Variants in UGGT2 observed in about 807,000 individuals in gnomAD.
UGGT2 encodes UDP-glucose:glycoprotein glucosyltransferase 2.
Under a neutral mutation model 192.1 loss-of-function variants are expected in UGGT2, and 180 were observed. The observed-to-expected ratio is 0.94, with a 90% CI of 0.83 to 1.06. The LOEUF (loss-of-function observed/expected upper bound fraction) is 1.06. Among genes scored for constraint, UGGT2 ranks in the 50% least tolerant of loss-of-function variants. The probability of loss-of-function intolerance (pLI) is 0.00; values close to 1 mark genes in which losing one functional copy is unlikely to be tolerated. For missense variants in UGGT2, 1,849 were observed against 1,795.7 expected (o/e 1.03, Z -0.54); for synonymous variants, 580 against 591.0 (o/e 0.98, Z 0.27).
intron 37 of UGGT2, 87 bp from the exon 38 acceptor site, chr13:95,833,140 C>A: frequency 1.4e-6 from 2 of 1,450,370 alleles, no homozygotes; most frequent in Non-Finnish European, 9.3e-7. Flanking sequence ...AAACAAAATA[C>A]ATTTTATAAA....
At chr13:95,924,006 A>G (rs1011966465) in intron 20 of UGGT2, among the ~76,000 whole-genome samples, 1 of 152,222 alleles carries the variant, frequency 6.6e-6, no homozygotes, top group Non-Finnish European at 1.5e-5. Flanking sequence ...ATTTGATTAG[A>G]CAATGATTAT....
chr13:95,996,304 C>T (rs1461777932), intron 6 of UGGT2, among the ~76,000 whole-genome samples, 169 bp from the exon 7 acceptor site: 1 of 152,038 alleles, frequency 6.6e-6, no homozygotes, highest in Non-Finnish European at 1.5e-5. Context: ...GAGTTCAAGA[C>T]CAGCCTGACC....
intron 1 of UGGT2, among the ~76,000 whole-genome samples, chr13:96,052,314 G>A (rs2053508673): frequency 1.3e-5 from 2 of 152,116 alleles, no homozygotes; most frequent in African/African-American, 4.8e-5. Context: ...CGGGGACTCG[G>A]GGGAAAGGTT....
chr13:95,892,206 G>GCTAATT (rs2047821197), intron 24 of UGGT2, among the ~76,000 whole-genome samples: 1 of 151,984 alleles, frequency 6.6e-6, no homozygotes, highest in African/African-American at 2.4e-5. Context: ...CTCCCAGACT[G>GCTAATT]CTAATTCTAT....
At chr13:96,015,574 T>G (rs2052309803) in intron 4 of UGGT2, among the ~76,000 whole-genome samples, 1 of 152,136 alleles carries the variant, frequency 6.6e-6, no homozygotes, top group South Asian at 2.1e-4. Flanking sequence ...AAAATGATCT[T>G]TGAAAATTAA....
chr13:95,947,280 T>A, intron 14 of UGGT2, 108 bp from the exon 15 acceptor site: 1 of 1,160,882 alleles, frequency 8.6e-7, no homozygotes, highest in Non-Finnish European at 1.2e-6. Flanking sequence ...GAGAATGTAT[T>A]AATAGACAGA....
At chr13:95,817,309 G>T (rs763462574) in intron 38 of UGGT2, among the ~76,000 whole-genome samples, 1 of 152,136 alleles carries the variant, frequency 6.6e-6, no homozygotes, top group Non-Finnish European at 1.5e-5. Flanking sequence ...GAAAGATCAC[G>T]TGCAGTGCCT....
intron 5 of UGGT2, among the ~76,000 whole-genome samples, chr13:96,009,477 A>C (rs1404243561): frequency 6.6e-6 from 1 of 152,214 alleles, no homozygotes; most frequent in African/African-American, 2.4e-5. Flanking sequence ...ATCTACAAGG[A>C]ACTTAAATTT....
chr13:95,827,401 G>A (rs1210819511), intron 38 of UGGT2, among the ~76,000 whole-genome samples: 1 of 152,084 alleles, frequency 6.6e-6, no homozygotes, highest in East Asian at 1.9e-4. Flanking sequence ...ACTGAACAAG[G>A]ACAGAGAATG....
At chr13:95,915,373 CAT>C (rs1388722031) in intron 20 of UGGT2, among the ~76,000 whole-genome samples, 8 of 152,162 alleles carry the variant, frequency 5.3e-5, no homozygotes, top group Non-Finnish European at 1.0e-4. Flanking sequence ...ACTCAATTTA[CAT>C]ATGTCTATCA....
Position 95,895,323 on chromosome 13 carries a change from A to AT in UGGT2, c.2635-20dup, listed in dbSNP as rs1160408069. On this transcript the variant is annotated intron_variant, in intron 22 of 38. Coordinates refer to ENST00000376747, the MANE Select transcript of UGGT2 (RefSeq NM_020121.4). ...CTAAGAACTTAAAATAAAAACAGTT[A>AT]TATTATCATATATCTTCTAGAAGAT... The AT allele has an allele frequency of 1.1e-5, 14 of 1,308,334 alleles. No homozygotes were observed. Among genetic ancestry groups the AT allele is most frequent in the Non-Finnish European group, 1.5e-5 (14 of 957,216 alleles). 81.0% of individuals were successfully genotyped at this position (1,308,334 alleles called of 1,614,324 possible).
At chr13:95,845,820 G>A (rs1347979010) in intron 36 of UGGT2, among the ~76,000 whole-genome samples, 1 of 150,634 alleles carries the variant, frequency 6.6e-6, no homozygotes, top group Admixed American at 6.6e-5. Context: ...TCTCAGACGG[G>A]GTGGCGGGGT....
At chr13:96,046,087 A>G (rs1944767553) in intron 1 of UGGT2, among the ~76,000 whole-genome samples, 1 of 152,228 alleles carries the variant, frequency 6.6e-6, no homozygotes, top group South Asian at 2.1e-4. Context: ...TTTAAACTAT[A>G]CTATAAAACC....
intron 38 of UGGT2, among the ~76,000 whole-genome samples, chr13:95,809,122 ATT>A (rs1216601209): frequency 6.6e-6 from 1 of 152,222 alleles, no homozygotes; most frequent in East Asian, 1.9e-4. Flanking sequence ...CTGGTGAATG[ATT>A]TAGCTCTTTT....
intron 7 of UGGT2, among the ~76,000 whole-genome samples, chr13:95,995,111 G>A (rs143913065): frequency 0.016 from 2,433 of 151,924 alleles, 40 homozygotes; most frequent in Middle Eastern, 0.038. Flanking sequence ...AATAAACTTC[G>A]ACAGTAAGTA....
chr13:95,882,512 T>C (rs576449290), intron 27 of UGGT2, among the ~76,000 whole-genome samples: 9 of 152,314 alleles, frequency 5.9e-5, no homozygotes, highest in African/African-American at 1.9e-4. Flanking sequence ...TCCAGGATGG[T>C]TGCAGAATAT....
intron 10 of UGGT2, among the ~76,000 whole-genome samples, chr13:95,982,784 TG>T (rs559521019): frequency 3.0e-4 from 46 of 152,188 alleles, no homozygotes; most frequent in Non-Finnish European, 5.9e-4. Flanking sequence ...CATCATAGAA[TG>T]GACCAATACC....
At chr13:95,961,224 T>C (rs1168833587) in intron 12 of UGGT2, among the ~76,000 whole-genome samples, 2 of 151,988 alleles carry the variant, frequency 1.3e-5, no homozygotes, top group African/African-American at 2.4e-5. Flanking sequence ...AATCAACTAA[T>C]AAAATGACAG....
At chr13:95,988,043 T>C (rs1380228777) in intron 8 of UGGT2, among the ~76,000 whole-genome samples, 1 of 151,962 alleles carries the variant, frequency 6.6e-6, no homozygotes, top group African/African-American at 2.4e-5. Context: ...TCCCTCGGGG[T>C]ACTACTGCTG....
Sources: allele counts gnomAD v4.1 joint callset (sites outside exome capture counted in the v4.1 genomes callset), GRCh38; gene constraint gnomAD v4.1.1; transcripts MANE v1.5; gene names NCBI Gene and HGNC (gene_info 2026-07-23, HGNC 2026-07-21).